ITGAM: variants seen among roughly 807,000 people sequenced by gnomAD.
The protein encoded by ITGAM is integrin subunit alpha M.
In ITGAM, 79 loss-of-function variants were observed where a neutral mutation model predicts 137.5. The ratio of observed to expected loss-of-function variants is 0.57; its 90% CI spans 0.48 to 0.69. The LOEUF (loss-of-function observed/expected upper bound fraction) is 0.69. Ranked by LOEUF, ITGAM falls within the 30% of genes least tolerant of loss-of-function variation. ITGAM has a pLI of 0.00. For synonymous variants in ITGAM, 583 were observed against 592.3 expected, an observed-to-expected ratio of 0.98 and a Z score of 0.23; for missense variants, 1,343 against 1,483.5, an observed-to-expected ratio of 0.91 and a Z score of 1.56.
Position 31,332,546 on chromosome 16 carries a change from G to A in ITGAM, c.*839G>A, listed in dbSNP as rs1276974633. 6 of 152,352 alleles carry A rather than the reference G, an allele frequency of 3.9e-5. No individual in the cohort carries two copies. The highest frequency in any genetic ancestry group is 6.8e-3 in the Middle Eastern group (2 of 294). The allele number at this position is 152,352 out of a possible 1,614,324, so 9.4% of individuals were successfully genotyped here. A position where few individuals can be genotyped will look rare whatever the true frequency, so the allele number is the denominator to read the frequency against. Reference sequence around the variant, plus strand: ...CCTCCTTAAAGGTAGTCAAGATTGTGTTTTGAGGTTTCCTTCAGACAGATT... The same window carrying A: ...CCTCCTTAAAGGTAGTCAAGATTGTATTTTGAGGTTTCCTTCAGACAGATT... On this transcript the variant is annotated 3_prime_UTR_variant, in exon 30 of 30. Transcript: ENST00000544665.
At chr16:31,277,217 G>A (rs1295643912) in intron 11 of ITGAM, among the ~76,000 whole-genome samples, 168 bp downstream of exon 11, 1 of 151,872 alleles carries the variant, frequency 6.6e-6, no homozygotes, top group Non-Finnish European at 1.5e-5. Flanking sequence ...TTTTTTTGAG[G>A]TGGAGTTTCT....
intron 12 of ITGAM, among the ~76,000 whole-genome samples, chr16:31,284,432 G>GC (rs1229263420): frequency 6.6e-6 from 1 of 152,126 alleles, no homozygotes; most frequent in South Asian, 2.1e-4. Context: ...AATGGTGGAC[G>GC]CCCCTCCCCC....
At position 31,324,342 on chromosome 16, in the gene ITGAM, C is replaced by T. The variant is rs777454980; in HGVS notation, c.2003-57C>T. 24 of 1,475,002 alleles carry T rather than the reference C, an allele frequency of 1.6e-5. No individual in the cohort carries two copies. Among genetic ancestry groups the T allele is most frequent in the Non-Finnish European group, 2.0e-5 (22 of 1,079,704 alleles). The allele number at this position is 1,475,002 out of a possible 1,614,324, so 91.4% of individuals were successfully genotyped here. ...GCAGAGGAGCTGGGCCTTGAACTCC[C>T]ATCTGCCGGGTTCCGAGGCTCAGGC... is the stretch of plus-strand genomic sequence containing the variant. On this transcript the variant is annotated intron_variant, in intron 16 of 29. Transcript: ENST00000544665. The surrounding 1 kb of genome is among the most constrained non-coding windows in gnomAD (Gnocchi z 4.5).
intron 22 of ITGAM, 36 bp from the exon 23 acceptor site, chr16:31,328,111 C>A: frequency 1.3e-6 from 2 of 1,539,656 alleles, no homozygotes; most frequent in African/African-American, 1.4e-5. Context: ...ACTGTCAGTT[C>A]TCAAGAGCCG....
chr16:31,324,430 G>A lies in ITGAM; in HGVS notation c.2034G>A (p.Leu678=). The A allele has an allele frequency of 3.9e-6, 6 of 1,553,386 alleles. No individual in the cohort carries two copies. Among genetic ancestry groups the A allele is most frequent in the Non-Finnish European group, 5.2e-6 (6 of 1,148,044 alleles). The change falls in exon 17 of 30, where the codon CTG becomes CTA. Residue 678 remains leucine, a synonymous_variant. Coordinates refer to ENST00000544665, the MANE Select transcript of ITGAM (RefSeq NM_000632.4). This position sits in a 1 kb window ranked among gnomAD's most constrained non-coding sequence, Gnocchi z 4.5. ...GQIQSVVTYD[L]ALDSGRPHSR... Reference sequence around the variant, plus strand: ...TCCAGAGTGTTGTGACTTATGACCTGGCTCTGGACTCCGGCCGCCCACATT... The same window carrying A: ...TCCAGAGTGTTGTGACTTATGACCTAGCTCTGGACTCCGGCCGCCCACATT...
intron 23 of ITGAM, among the ~76,000 whole-genome samples, chr16:31,328,492 A>G (rs916556928): frequency 2.7e-5 from 4 of 147,606 alleles, no homozygotes; most frequent in African/African-American, 1.0e-4. Context: ...ATGGGCGTGT[A>G]TTTGTGGATG....
At chr16:31,319,084 T>A (rs2144472053) in intron 14 of ITGAM, among the ~76,000 whole-genome samples, 1 of 152,346 alleles carries the variant, frequency 6.6e-6, no homozygotes, top group African/African-American at 2.4e-5. Context: ...ATAATTTAAA[T>A]CATTTCAAAT....
intron 6 of ITGAM, 24 bp downstream of exon 6, chr16:31,271,108 G>A: frequency 6.6e-7 from 1 of 1,508,320 alleles, no homozygotes; most frequent in Non-Finnish European, 9.0e-7. Context: ...GGTAGGTTAG[G>A]GAAGAGCCCA....
chr16:31,267,776 C>T (rs1276571734), intron 5 of ITGAM, among the ~76,000 whole-genome samples: 1 of 152,098 alleles, frequency 6.6e-6, no homozygotes, highest in Admixed American at 6.6e-5. Context: ...CCTCCGCCTC[C>T]AGAGTAGCTG....
chr16:31,298,027 C>A, intron 14 of ITGAM, 73 bp downstream of exon 14: 1 of 1,238,752 alleles, frequency 8.1e-7, no homozygotes, highest in Non-Finnish European at 1.2e-6. Context: ...AGTGTGCCCA[C>A]AGCTGCCAGA....
intron 9 of ITGAM, among the ~76,000 whole-genome samples, chr16:31,276,394 C>T (rs1317836936): frequency 6.6e-6 from 1 of 151,988 alleles, no homozygotes; most frequent in African/African-American, 2.4e-5. Context: ...TGCAGTGGTG[C>T]GATCTTGGCT....
chr16:31,281,097 A>G (rs568177423), intron 12 of ITGAM, among the ~76,000 whole-genome samples: 10 of 152,200 alleles, frequency 6.6e-5, no homozygotes, highest in Middle Eastern at 6.8e-3. Context: ...AAGCTTTTTG[A>G]TGTGCTGCTG....
At chr16:31,281,589 G>A (rs561081223) in intron 12 of ITGAM, among the ~76,000 whole-genome samples, 38 of 152,028 alleles carry the variant, frequency 2.5e-4, no homozygotes, top group Non-Finnish European at 5.1e-4. Flanking sequence ...TTTGTATTGC[G>A]TCTATTTGAT....
chr16:31,297,265 C>T (rs920430804), intron 12 of ITGAM, among the ~76,000 whole-genome samples: 1 of 152,148 alleles, frequency 6.6e-6, no homozygotes, highest in Admixed American at 6.5e-5. Flanking sequence ...CTCCTTGGCT[C>T]AAGGGATCCT....
At chr16:31,302,096 T>G (rs536104124) in intron 14 of ITGAM, among the ~76,000 whole-genome samples, 2 of 152,290 alleles carry the variant, frequency 1.3e-5, no homozygotes, top group East Asian at 1.9e-4. Flanking sequence ...CAAAGTGGTG[T>G]TGTAGCTACC....
At chr16:31,329,938 C>CCTCTCACCT in intron 25 of ITGAM, 33 bp downstream of exon 25, 1 of 1,539,848 alleles carries the variant, frequency 6.5e-7, no homozygotes, top group Non-Finnish European at 8.8e-7. Flanking sequence ...CCTGCACGGC[C>CCTCTCACCT]CTGCGCGTTC....
chr16:31,320,702 T>G (rs2080440041), intron 14 of ITGAM, among the ~76,000 whole-genome samples: 1 of 152,210 alleles, frequency 6.6e-6, no homozygotes, highest in African/African-American at 2.4e-5. Context: ...TCTTTTTCAG[T>G]TTTCCTTTTG....
At chr16:31,329,707 C>A in intron 24 of ITGAM, 91 bp from the exon 25 acceptor site, 1 of 1,064,538 alleles carries the variant, frequency 9.4e-7, no homozygotes, top group Admixed American at 2.2e-5. Flanking sequence ...GACGCCCGGG[C>A]CTATGGCCTG....
chr16:31,298,204 CAAAAAAAAAAAA>C (rs61202942), intron 14 of ITGAM, among the ~76,000 whole-genome samples: 2 of 77,828 alleles, frequency 2.6e-5, no homozygotes, highest in Admixed American at 3.0e-4. Context: ...CCCATCTCTC[CAAAAAAAAAAAA>C]AAAAAAAAAA....
Sources: allele counts gnomAD v4.1 joint callset (sites outside exome capture counted in the v4.1 genomes callset), GRCh38; gene constraint gnomAD v4.1.1; non-coding constraint Gnocchi (gnomAD v3.1); transcripts MANE v1.5; gene names NCBI Gene and HGNC (gene_info 2026-07-23, HGNC 2026-07-21).